Variants in CHD1L observed in about 807,000 individuals in gnomAD.
CHD1L encodes ATP-dependent chromatin remodeler CHD1L.
Under a neutral mutation model 115.9 loss-of-function variants are expected in CHD1L, and 118 were observed. The ratio of observed to expected loss-of-function variants is 1.02; its 90% CI spans 0.88 to 1.19. The LOEUF (loss-of-function observed/expected upper bound fraction) is 1.19, where lower values mean the gene tolerates loss of function less well. CHD1L is among the 50% of genes most tolerant of loss of function. CHD1L has a pLI of 0.00. For synonymous variants in CHD1L, 411 were observed against 387.1 expected (o/e 1.06, Z -0.72); for missense variants, 1,179 against 1,065.3 (o/e 1.11, Z -1.49).
At chr1:147,208,889 A>G in the CHD1L span, 1 of 1,614,008 alleles carries the variant, frequency 6.2e-7, no homozygotes, top group East Asian at 2.2e-5. Flanking sequence ...TCATGGTCAA[A>G]CCTTTGGTTT....
At chr1:147,276,444 C>A (rs916933380) in intron 14 of CHD1L, among the ~76,000 whole-genome samples, 187 bp downstream of exon 14, 2 of 152,186 alleles carry the variant, frequency 1.3e-5, no homozygotes, top group Non-Finnish European at 2.9e-5. Context: ...TTCCAAGCCT[C>A]ATCACTTCTT....
chr1:147,252,553 C>A, intron 1 of CHD1L, 70 bp from the exon 2 acceptor site: 2 of 1,210,736 alleles, frequency 1.7e-6, no homozygotes, highest in South Asian at 1.3e-5. Flanking sequence ...CTCATTCAAA[C>A]TCTTAGAACA....
At chr1:147,264,728 GT>G in intron 7 of CHD1L, 144 bp downstream of exon 7, 1 of 758,658 alleles carries the variant, frequency 1.3e-6, no homozygotes, top group Non-Finnish European at 2.1e-6. Flanking sequence ...TTAGGGAGAT[GT>G]TAAGTCACAC....
chr1:147,295,036 TAA>T (rs1687028209), intron 22 of CHD1L, among the ~76,000 whole-genome samples: 1 of 152,194 alleles, frequency 6.6e-6, no homozygotes, highest in South Asian at 2.1e-4. Flanking sequence ...CCTTGCTCTA[TAA>T]GTTAGCATAT....
the CHD1L span, among the ~76,000 whole-genome samples, chr1:147,189,350 G>C: frequency 0.037 from 5,616 of 151,992 alleles, 157 homozygotes; most frequent in South Asian, 0.095. Context: ...CAAAAGGTGA[G>C]AATTTAGAAA....
rs781828857 is a variant in CHD1L at position 147,268,920 on chromosome 1, G to C, written c.1085+42G>C. On this transcript the variant is annotated intron_variant, in intron 10 of 22. Coordinates refer to ENST00000369258, the MANE Select transcript of CHD1L (RefSeq NM_004284.6). ...CATTTGCTGCTCTGAGCTAATGACT[G>C]TTAAAACCTGACTATTGAGGAACTC... 6 of 1,472,562 alleles carry C rather than the reference G, an allele frequency of 4.1e-6. No individual in the cohort carries two copies. In the African/African-American group the frequency reaches 8.3e-5, roughly 20 times the overall value. The allele number at this position is 1,472,562 out of a possible 1,614,324, so 91.2% of individuals were successfully genotyped here.
At chr1:147,283,241 A>G (rs1681635342) in intron 15 of CHD1L, among the ~76,000 whole-genome samples, 1 of 152,268 alleles carries the variant, frequency 6.6e-6, no homozygotes, top group African/African-American at 2.4e-5. Context: ...TAATTAGCAA[A>G]TGCCAATTAG....
the CHD1L span, among the ~76,000 whole-genome samples, chr1:147,220,402 A>G: frequency 6.6e-6 from 1 of 152,216 alleles, no homozygotes; most frequent in Non-Finnish European, 1.5e-5. Flanking sequence ...TGCAATCTCA[A>G]TCAACATCCC....
chr1:147,285,563 C>T, intron 17 of CHD1L, 76 bp downstream of exon 17: 1 of 1,411,744 alleles, frequency 7.1e-7, no homozygotes, highest in Non-Finnish European at 9.5e-7. Flanking sequence ...AGTTGAATAT[C>T]ACTTTAAAAA....
At chr1:147,237,688 A>C (rs1274601293), upstream of CHD1L, among the ~76,000 whole-genome samples, 3 of 152,176 alleles carry the variant, frequency 2.0e-5, no homozygotes, top group African/African-American at 7.2e-5. Context: ...ATATGTCACA[A>C]AAGTTAAATT....
the CHD1L span, chr1:147,178,746 C>T: frequency 6.3e-7 from 1 of 1,592,576 alleles, no homozygotes; most frequent in Non-Finnish European, 8.6e-7. Context: ...CTTCACATCT[C>T]ACTAACAAGT....
chr1:147,232,153 G>T, the CHD1L span, among the ~76,000 whole-genome samples: 1 of 152,188 alleles, frequency 6.6e-6, no homozygotes, highest in Non-Finnish European at 1.5e-5. Context: ...GCAAAGGAAA[G>T]GTGGCTGACA....
chr1:147,287,303 C>T (rs1553966785), intron 18 of CHD1L, among the ~76,000 whole-genome samples: 1 of 152,122 alleles, frequency 6.6e-6, no homozygotes, highest in East Asian at 1.9e-4. Context: ...GTTGCATAAC[C>T]TATTGCTTCT....
intron 19 of CHD1L, among the ~76,000 whole-genome samples, chr1:147,290,088 TTTG>T (rs1162433284): frequency 2.0e-5 from 3 of 152,224 alleles, no homozygotes; most frequent in African/African-American, 7.2e-5. Context: ...ACAAAGGTTT[TTTG>T]TTGTTTTGTT....
the CHD1L span, chr1:147,190,040 A>G: frequency 3.5e-6 from 2 of 579,608 alleles, no homozygotes; most frequent in African/African-American, 3.8e-5. Flanking sequence ...TATTGTCACA[A>G]ATTATTTTTC....
Position 147,288,322 on chromosome 1 carries a change from C to CATAAAAA in CHD1L, c.2320+590_2320+591insTAAAAAA, listed in dbSNP as rs1452486110. On this transcript the variant is annotated intron_variant, in intron 19 of 22. Transcript: ENST00000369258. ...CCTGAGTGAGAGTGAGACCCTGTTT[C>CATAAAAA]AATAAAAAAAAAAAAAAAAAAAAAG... Among the ~76,000 whole-genome samples, 414 of 87,836 alleles carry CATAAAAA rather than the reference C, an allele frequency of 4.7e-3. 9 individuals carry two copies. The highest frequency in any genetic ancestry group is 0.014 in the Middle Eastern group (2 of 140). The allele number at this position is 87,836 out of a possible 152,430, so 57.6% of individuals were successfully genotyped here.
At chr1:147,199,442 G>A in the CHD1L span, among the ~76,000 whole-genome samples, 12 of 152,156 alleles carry the variant, frequency 7.9e-5, no homozygotes, top group African/African-American at 1.4e-4. Context: ...GGAGGAATTA[G>A]CACTAGGCTT....
At chr1:147,266,355 G>T (rs1553948338) in intron 8 of CHD1L, among the ~76,000 whole-genome samples, 2 of 152,250 alleles carry the variant, frequency 1.3e-5, no homozygotes, top group Admixed American at 6.5e-5. Context: ...AGGTGTCCCA[G>T]TCATGTCTTT....
chr1:147,220,988 C>A, the CHD1L span, among the ~76,000 whole-genome samples: 1 of 150,022 alleles, frequency 6.7e-6, no homozygotes, highest in Non-Finnish European at 1.5e-5. Context: ...TAGTATGTAC[C>A]CTTGATGGGA....
Sources: allele counts gnomAD v4.1 joint callset (sites outside exome capture counted in the v4.1 genomes callset), GRCh38; gene constraint gnomAD v4.1.1; transcripts MANE v1.5; gene names NCBI Gene and HGNC (gene_info 2026-07-23, HGNC 2026-07-21).